Variants in RIT2 observed in about 807,000 individuals in gnomAD.
RIT2 encodes GTP-binding protein Rit2.
RIT2 carries 24 observed loss-of-function variants against 23.7 expected under a neutral mutation model. That is an observed-to-expected ratio of 1.01 (90% CI 0.73 to 1.43). The LOEUF (loss-of-function observed/expected upper bound fraction) is 1.43, where lower values mean the gene tolerates loss of function less well. RIT2 is among the 40% of genes most tolerant of loss of function. The pLI, the probability that RIT2 is intolerant of heterozygous loss-of-function variation, is 0.00. For missense variants in RIT2, 236 were observed against 266.9 expected (o/e 0.88, Z 0.81); for synonymous variants, 107 against 91.1 (o/e 1.17, Z -0.99).
At chr18:42,877,254 A>G (rs1907767138) in intron 4 of RIT2, among the ~76,000 whole-genome samples, 1 of 151,788 alleles carries the variant, frequency 6.6e-6, no homozygotes, top group Non-Finnish European at 1.5e-5. Flanking sequence ...GTATTCAGTT[A>G]TGTTTTGATT....
chr18:42,856,145 A>C (rs1261564203), intron 4 of RIT2, among the ~76,000 whole-genome samples: 1 of 152,238 alleles, frequency 6.6e-6, no homozygotes, highest in Non-Finnish European at 1.5e-5. Flanking sequence ...CCATCCATAA[A>C]GCCTAAAGAT....
chr18:42,762,252 CT>C (rs1913319851), intron 4 of RIT2, among the ~76,000 whole-genome samples: 1 of 152,150 alleles, frequency 6.6e-6, no homozygotes. Context: ...ATCATGTCTT[CT>C]ATTCATTGTT....
intron 2 of RIT2, among the ~76,000 whole-genome samples, chr18:43,006,157 CA>C (rs1911223428): frequency 6.6e-6 from 1 of 151,608 alleles, no homozygotes; most frequent in African/African-American, 2.4e-5. Context: ...AAGCCTTGAA[CA>C]GAAAATTGTG....
rs1400043002 is a variant in RIT2 at position 42,898,073 on chromosome 18, C to A, written c.426+25499G>T. On this transcript the variant is annotated intron_variant, in intron 4 of 4. Coordinates refer to ENST00000326695, the MANE Select transcript of RIT2 (RefSeq NM_002930.4). ...GGCTAGGGTTCAGATTCTGTCATTG[C>A]TTTGTAGGCTCCCTAACTTGGGAGG... 6.6e-5 allele frequency among the ~76,000 whole-genome samples: 10 copies of A among 152,122 alleles called. No individual in the cohort carries two copies. In the East Asian group the frequency reaches 1.9e-3, roughly 29 times the overall value.
rs147807675 is a variant in RIT2, at chr18:43,066,867, A to G, written c.104-33000T>C. On this transcript the variant is annotated intron_variant, in intron 1 of 4. Coordinates refer to ENST00000326695, the MANE Select transcript of RIT2 (RefSeq NM_002930.4). ...TGTTCCTTTGATGTTTCTAAAGTGA[A>G]CAGTTGGAAGCAGGGTTGCTTAGGA... Among the ~76,000 whole-genome samples, 11 of 151,570 alleles carry G rather than the reference A, an allele frequency of 7.3e-5. No homozygotes were observed. In the East Asian group the frequency reaches 1.8e-3, roughly 24 times the overall value.
At chr18:42,894,461 CA>C (rs1908267841) in intron 4 of RIT2, among the ~76,000 whole-genome samples, 1 of 152,034 alleles carries the variant, frequency 6.6e-6, no homozygotes, top group South Asian at 2.1e-4. Flanking sequence ...ATGTATTTAA[CA>C]AAATAATTAT....
intron 4 of RIT2, among the ~76,000 whole-genome samples, chr18:42,776,548 T>C (rs1913676782): frequency 6.6e-6 from 1 of 152,160 alleles, no homozygotes; most frequent in Non-Finnish European, 1.5e-5. Context: ...ATATCAAATA[T>C]CTTATTTAAT....
At chr18:42,773,270 A>G (rs1395870327) in intron 4 of RIT2, among the ~76,000 whole-genome samples, 1 of 152,234 alleles carries the variant, frequency 6.6e-6, no homozygotes, top group Non-Finnish European at 1.5e-5. Flanking sequence ...GATTGAAAGG[A>G]AATCAATTCA....
chr18:42,779,385 C>G (rs1598650484), intron 4 of RIT2, among the ~76,000 whole-genome samples: 1 of 152,140 alleles, frequency 6.6e-6, no homozygotes, highest in African/African-American at 2.4e-5. Flanking sequence ...TGACAATTAA[C>G]AAACACATAA....
intron 4 of RIT2, among the ~76,000 whole-genome samples, chr18:42,819,543 T>C (rs1000787040): frequency 1.3e-5 from 2 of 152,122 alleles, no homozygotes; most frequent in Admixed American, 1.3e-4. Flanking sequence ...TGTATGTTTT[T>C]ATATTTAAAT....
intron 4 of RIT2, among the ~76,000 whole-genome samples, chr18:42,759,366 T>C (rs989373919): frequency 2.1e-4 from 32 of 152,142 alleles, no homozygotes; most frequent in Non-Finnish European, 3.8e-4. Flanking sequence ...AAATTCCATC[T>C]TATATGAACT....
intron 2 of RIT2, among the ~76,000 whole-genome samples, chr18:43,011,475 C>T (rs1264118982): frequency 2.0e-5 from 3 of 150,036 alleles, no homozygotes; most frequent in Non-Finnish European, 4.4e-5. Context: ...AGTCTAGCTC[C>T]ACCTTTTATT....
chr18:42,971,079 C>T (rs1294934385), intron 3 of RIT2, among the ~76,000 whole-genome samples: 2 of 151,832 alleles, frequency 1.3e-5, no homozygotes, highest in East Asian at 3.9e-4. Flanking sequence ...TAGGTGATGA[C>T]ATTAATAATA....
At chr18:43,026,154 A>C (rs1911712012) in intron 2 of RIT2, among the ~76,000 whole-genome samples, 1 of 152,094 alleles carries the variant, frequency 6.6e-6, no homozygotes, top group Non-Finnish European at 1.5e-5. Flanking sequence ...ATTTGGAAGT[A>C]GAGTCAACAA....
At chr18:42,933,986 C>G (rs1437822702) in intron 3 of RIT2, among the ~76,000 whole-genome samples, 1 of 149,606 alleles carries the variant, frequency 6.7e-6, no homozygotes, top group Non-Finnish European at 1.5e-5. Flanking sequence ...CCACTGCACT[C>G]CAGCCTGGTG....
At chr18:43,107,511 C>T (rs1394185026) in intron 1 of RIT2, among the ~76,000 whole-genome samples, 1 of 152,182 alleles carries the variant, frequency 6.6e-6, no homozygotes, top group East Asian at 1.9e-4. Context: ...AAGTATGCTT[C>T]CCTAAGCAAA....
Position 42,786,863 on chromosome 18 carries a change from T to C in RIT2, c.427-43143A>G, listed in dbSNP as rs116554697. Among the ~76,000 whole-genome samples, 766 of 152,264 alleles carry C rather than the reference T, an allele frequency of 5.0e-3. 7 individuals carry two copies. The highest frequency in any genetic ancestry group is 0.018 in the African/African-American group (728 of 41,542). On this transcript the variant is annotated intron_variant, in intron 4 of 4. Coordinates refer to ENST00000326695, the MANE Select transcript of RIT2 (RefSeq NM_002930.4). ...CCGAGAACTTCCCCGTGATCCTATG[T>C]TGTTTTATCCTCATCCTGTTCAGAA...
intron 4 of RIT2, among the ~76,000 whole-genome samples, chr18:42,916,084 G>A (rs1568029436): frequency 6.6e-6 from 1 of 151,814 alleles, no homozygotes; most frequent in Non-Finnish European, 1.5e-5. Context: ...TCTAACTTTA[G>A]CATACTATAC....
At chr18:42,838,076 C>G (rs1906666128) in intron 4 of RIT2, among the ~76,000 whole-genome samples, 1 of 152,122 alleles carries the variant, frequency 6.6e-6, no homozygotes. Context: ...TTCCCAGATC[C>G]CACTACAAAA....
Sources: allele counts gnomAD v4.1 joint callset (sites outside exome capture counted in the v4.1 genomes callset), GRCh38; gene constraint gnomAD v4.1.1; transcripts MANE v1.5; gene names NCBI Gene and HGNC (gene_info 2026-07-23, HGNC 2026-07-21).